EIF2B2: variants seen among roughly 807,000 people sequenced by gnomAD.
EIF2B2 encodes the protein eukaryotic translation initiation factor 2B subunit beta.
EIF2B2 carries 34 observed loss-of-function variants against 34.7 expected under a neutral mutation model. The observed-to-expected ratio is 0.98, with a 90% confidence interval of 0.75 to 1.31. The LOEUF is 1.31. Among genes scored for constraint, EIF2B2 ranks in the 50% most tolerant of loss-of-function variants. The pLI is 0.00. For synonymous variants in EIF2B2, 155 were observed against 171.6 expected, an observed-to-expected ratio of 0.90 and a Z score of 0.76; for missense variants, 361 against 447.7, an observed-to-expected ratio of 0.81 and a Z score of 1.75.
chr14:75,008,238 G>C lies in EIF2B2; in HGVS notation c.898+450G>C, dbSNP rs370454738. On this transcript the variant is annotated intron_variant, in intron 7 of 7. Transcript: ENST00000266126. ...TCATGTCTTGGGGTTCTTTTCTCTG[G>C]CTTCTTCTGAAGGCAGCAGCTCAGC... 5.5e-4 allele frequency: 122 copies of C among 223,170 alleles called. 2 individuals carry two copies. The South Asian group carries it at 7.3e-3, about 13-fold the overall frequency. 13.8% of individuals were successfully genotyped at this position (223,170 alleles called of 1,614,324 possible).
rs548628774 is a variant in EIF2B2, at chr14:75,010,170, A to G, written c.*982A>G. 6.6e-6 allele frequency: 1 copy of G among 152,196 alleles called. No homozygotes were observed. The highest frequency in any genetic ancestry group is 2.4e-5 in the African/African-American group (1 of 41,446). 9.4% of individuals were successfully genotyped at this position (152,196 alleles called of 1,614,324 possible). On this transcript the variant is annotated 3_prime_UTR_variant, in exon 8 of 8. Coordinates refer to ENST00000266126, the MANE Select transcript of EIF2B2 (RefSeq NM_014239.4). ...ACTCACTCACACAGTCTTGGGTTTC[A>G]TCTCAGTCCTACTGCATCTGATCTC...
In EIF2B2 at chr14:75,005,037, G is replaced by A. The variant is rs187702093; in HGVS notation, c.597+137G>A. ...CTGAGAAGATCAAGTAAAACATTAA[G>A]TGAATTTTCAAGGTGTTCGTCCTGT... On this transcript the variant is annotated intron_variant, in intron 4 of 7. Transcript: ENST00000266126. 53 of 949,826 alleles carry A rather than the reference G, an allele frequency of 5.6e-5. No homozygotes were observed. The Admixed American group carries it at 1.0e-3, about 18-fold the overall frequency. The allele number at this position is 949,826 out of a possible 1,614,324, so 58.8% of individuals were successfully genotyped here. A position where few individuals can be genotyped will look rare whatever the true frequency, so the allele number is the denominator to read the frequency against.
chr14:75,004,691 T>TATATATATATA (rs1566872954), intron 3 of EIF2B2, 46 bp from the exon 4 acceptor site: 1 of 60,686 alleles, frequency 1.6e-5, no homozygotes, highest in African/African-American at 2.8e-4. Context: ...ATATATATAT[T>TATATATATATA]TTTTTTTTTT....
At position 75,003,163 on chromosome 14, in the gene EIF2B2, G is replaced by A; in HGVS notation, c.163+10G>A. The A allele has an allele frequency of 6.2e-7, 1 of 1,613,204 alleles. No individual in the cohort carries two copies. On this transcript the variant is annotated intron_variant, in intron 1 of 7. Transcript: ENST00000266126. ...CGCTGGAGCAACGCGGGTGAGGCCG[G>A]CCTGCCTCCGCCGGCGAACCTGGCC... is the stretch of plus-strand genomic sequence containing the variant.
chr14:75,003,657 T>C lies in EIF2B2; in HGVS notation c.391T>C (p.Ser131Pro), dbSNP rs1473764619. 1 of 1,614,012 alleles carries C rather than the reference T, an allele frequency of 6.2e-7. No individual in the cohort carries two copies. The highest frequency in any genetic ancestry group is 8.5e-7 in the Non-Finnish European group (1 of 1,180,028). Residue 131 changes from serine to proline, a missense_variant, in exon 3 of 8, where the codon TCC (serine) becomes CCC (proline). Coordinates refer to ENST00000266126, the MANE Select transcript of EIF2B2 (RefSeq NM_014239.4). ...CAGCTTCCATTATGCCCAACTCCAG[T>C]CCAACATCATTGAGGCGATTAATGA... is the stretch of plus-strand genomic sequence containing the variant. ...DFSFHYAQLQSNIIEAINELL... is the reference protein window; with the variant it reads ...DFSFHYAQLQPNIIEAINELL...
chr14:75,007,580 C>T (rs551182709), intron 6 of EIF2B2, 142 bp from the exon 7 acceptor site: 2 of 681,428 alleles, frequency 2.9e-6, no homozygotes, highest in African/African-American at 3.6e-5. Context: ...GGGTTGGTTC[C>T]AGCTTTTGGC....
At position 75,004,737 on chromosome 14, in the gene EIF2B2, A is replaced by T. The variant is rs1889601873; in HGVS notation, c.434A>T (p.Glu145Val). Reference protein sequence around the residue: ...EAINELLVELEGTMENIAAQA... With the variant: ...EAINELLVELVGTMENIAAQA... ...TTTTTTTGCAAAACCGTTCTTACAG[A>T]AGGGACAATGGAGAACATTGCAGCC... Residue 145 changes from glutamate (E) to valine (V), a missense_variant and splice_region_variant, in exon 4 of 8, where the codon GAA becomes GTA. Transcript: ENST00000266126. The T allele has an allele frequency of 7.5e-7, 1 of 1,325,668 alleles. No individual in the cohort carries two copies. Among genetic ancestry groups the T allele is most frequent in the Admixed American group, 2.1e-5 (1 of 48,342 alleles). The allele number at this position is 1,325,668 out of a possible 1,614,324, so 82.1% of individuals were successfully genotyped here. A position where few individuals can be genotyped will look rare whatever the true frequency, so the allele number is the denominator to read the frequency against.
Position 75,005,741 on chromosome 14 carries a change from T to C in EIF2B2, c.598-125T>C, listed in dbSNP as rs928233355. 60 of 779,152 alleles carry C rather than the reference T, an allele frequency of 7.7e-5. No homozygotes were observed. The East Asian group carries it at 1.5e-3, about 20-fold the overall frequency. 48.3% of individuals were successfully genotyped at this position (779,152 alleles called of 1,614,324 possible). ...AATCAGTTGTCCGAAAAATGAGTTATCTATTGGAAATTATGTGCTGGATAT... is the reference window on the plus strand; with the variant it reads ...AATCAGTTGTCCGAAAAATGAGTTACCTATTGGAAATTATGTGCTGGATAT... On this transcript the variant is annotated intron_variant, in intron 4 of 7. Coordinates refer to ENST00000266126, the MANE Select transcript of EIF2B2 (RefSeq NM_014239.4).
intron 3 of EIF2B2, 118 bp downstream of exon 3, chr14:75,003,817 G>A: frequency 2.1e-6 from 3 of 1,450,398 alleles, no homozygotes; most frequent in South Asian, 1.2e-5. Context: ...GTTCTCAGAG[G>A]TTTGTCCTCC....
chr14:75,005,975 G>A lies in EIF2B2; in HGVS notation c.693+14G>A. On this transcript the variant is annotated intron_variant, in intron 5 of 7. Coordinates refer to ENST00000266126, the MANE Select transcript of EIF2B2 (RefSeq NM_014239.4). ...AGAGTCAACAAGGTGGGTATATCTG[G>A]AGTTATGTTGAATTCATGAAGATTA... 1 of 1,586,590 alleles carries A rather than the reference G, an allele frequency of 6.3e-7. No individual in the cohort carries two copies. The highest frequency in any genetic ancestry group is 8.7e-7 in the Non-Finnish European group (1 of 1,155,300).
chr14:75,006,922 G>A lies in EIF2B2; in HGVS notation c.831+208G>A. 1 of 778,814 alleles carries A rather than the reference G, an allele frequency of 1.3e-6. No individual in the cohort carries two copies. Among genetic ancestry groups the A allele is most frequent in the South Asian group, 1.4e-5 (1 of 69,734 alleles). 48.2% of individuals were successfully genotyped at this position (778,814 alleles called of 1,614,324 possible). A position where few individuals can be genotyped will look rare whatever the true frequency, so the allele number is the denominator to read the frequency against. On this transcript the variant is annotated intron_variant, in intron 6 of 7. Coordinates refer to ENST00000266126, the MANE Select transcript of EIF2B2 (RefSeq NM_014239.4). The surrounding 1 kb of genome is among the most constrained non-coding windows in gnomAD (Gnocchi z 4.1). ...AGTTCTCAGCTGTCAACTTTAGGAA[G>A]TCAAGATTGTAAGGACAATATGTAG...
rs942862570 is a variant in EIF2B2, at chr14:75,011,530, G to A, written c.*2342G>A. ...GGGCAGAGGTAGGTTCTGAGGGAAA[G>A]GTCTCTATTCTTTGATATCTCTTTG... On this transcript the variant is annotated 3_prime_UTR_variant, in exon 8 of 8. Coordinates refer to ENST00000266126, the MANE Select transcript of EIF2B2 (RefSeq NM_014239.4). 1.3e-5 allele frequency: 2 copies of A among 152,156 alleles called. No homozygotes were observed. Among genetic ancestry groups the A allele is most frequent in the African/African-American group, 2.4e-5 (1 of 41,440 alleles). The allele number at this position is 152,156 out of a possible 1,614,324, so 9.4% of individuals were successfully genotyped here.
intron 3 of EIF2B2, 48 bp from the exon 4 acceptor site, chr14:75,004,689 A>ATATATATTTTTTTTTT: frequency 3.2e-5 from 5 of 155,350 alleles, no homozygotes; most frequent in African/African-American, 1.4e-4. Flanking sequence ...ATATATATAT[A>ATATATATTTTTTTTTT]TTTTTTTTTT....
chr14:75,003,806 G>C, intron 3 of EIF2B2, 107 bp downstream of exon 3: 7 of 1,492,076 alleles, frequency 4.7e-6, no homozygotes, highest in Non-Finnish European at 5.5e-6. Context: ...GCTGTCTTCT[G>C]GTTCTCAGAG....
In EIF2B2 at chr14:75,003,411, T is replaced by A. The variant is rs200073232; in HGVS notation, c.284+16T>A. On this transcript the variant is annotated intron_variant, in intron 2 of 7. Transcript: ENST00000266126. The stretch of plus-strand genomic sequence containing the variant: ...AGTATGGCAGGTCAGGCTCACGTCC[T>A]GGGCTCCTGGTTGGATCCAGTGACA... 879 of 1,613,842 alleles carry A rather than the reference T, an allele frequency of 5.4e-4. 5 individuals are homozygous for A. Among genetic ancestry groups the A allele is most frequent in the Middle Eastern group, 6.6e-4 (4 of 6,062 alleles).
Position 75,006,497 on chromosome 14 carries a change from A to G in EIF2B2, c.694-80A>G. Reference sequence around the variant, plus strand: ...CTCACGATACCAATTCTGAGGTCTAAGCATTTAGCTTTTTGTGGCCAGTGG... The same window carrying G: ...CTCACGATACCAATTCTGAGGTCTAGGCATTTAGCTTTTTGTGGCCAGTGG... On this transcript the variant is annotated intron_variant, in intron 5 of 7. Coordinates refer to ENST00000266126, the MANE Select transcript of EIF2B2 (RefSeq NM_014239.4). The surrounding 1 kb of genome is among the most constrained non-coding windows in gnomAD (Gnocchi z 4.1). 6.3e-7 allele frequency: 1 copy of G among 1,598,570 alleles called. No homozygotes were observed. The highest frequency in any genetic ancestry group is 1.1e-5 in the South Asian group (1 of 90,876).
At position 75,005,703 on chromosome 14, in the gene EIF2B2, T is replaced by G. The variant is rs534487918; in HGVS notation, c.598-163T>G. The G allele has an allele frequency of 1.2e-4, 78 of 627,192 alleles. No homozygotes were observed. The East Asian group carries it at 2.3e-3, about 19-fold the overall frequency. 38.9% of individuals were successfully genotyped at this position (627,192 alleles called of 1,614,324 possible). Reference sequence around the variant, plus strand: ...GCTTCCCTACAGCTTACCAGAGCTATGAGAGTCTGAAAAATCAGTTGTCCG... The same window carrying G: ...GCTTCCCTACAGCTTACCAGAGCTAGGAGAGTCTGAAAAATCAGTTGTCCG... On this transcript the variant is annotated intron_variant, in intron 4 of 7. Coordinates refer to ENST00000266126, the MANE Select transcript of EIF2B2 (RefSeq NM_014239.4).
At chr14:75,007,966 C>T (rs1402849216) in intron 7 of EIF2B2, among the ~76,000 whole-genome samples, 178 bp downstream of exon 7, 2 of 152,138 alleles carry the variant, frequency 1.3e-5, no homozygotes, top group African/African-American at 2.4e-5. Context: ...TGCTTGAGGA[C>T]CTGACCAAGT....
chr14:75,004,451 G>A (rs1889588542), intron 3 of EIF2B2, among the ~76,000 whole-genome samples: 1 of 130,538 alleles, frequency 7.7e-6, no homozygotes, highest in South Asian at 2.5e-4. Context: ...ACAACTTTGG[G>A]AGGCCAAGGT....
Sources: gnomAD v4.1 joint callset for allele counts (sites outside exome capture counted in the v4.1 genomes callset) on GRCh38, gnomAD v4.1.1 for gene constraint, Gnocchi (gnomAD v3.1) non-coding constraint, MANE v1.5 for transcripts, NCBI Gene and HGNC (gene_info 2026-07-23, HGNC 2026-07-21) for gene names.